Variants in RFC5 observed in about 807,000 individuals in gnomAD.
RFC5 encodes the protein replication factor C subunit 5.
In RFC5, 26 loss-of-function variants were observed where a neutral mutation model predicts 44.3. That is an observed-to-expected ratio of 0.59 (90% CI 0.43 to 0.81). The LOEUF is 0.81. Among genes scored for constraint, RFC5 ranks in the 40% least tolerant of loss-of-function variants. The probability of loss-of-function intolerance (pLI) is 0.00; values close to 1 mark genes in which losing one functional copy is unlikely to be tolerated. For synonymous variants in RFC5, 155 were observed against 155.2 expected, an observed-to-expected ratio of 1.00 and a Z score of 0.01; for missense variants, 328 against 418.6, an observed-to-expected ratio of 0.78 and a Z score of 1.89.
At chr12:118,037,001 G>A (rs138737831), downstream of RFC5, among the ~76,000 whole-genome samples, 246 of 152,232 alleles carry the variant, frequency 1.6e-3, 2 homozygotes, top group African/African-American at 5.8e-3. Flanking sequence ...GGTCAACATG[G>A]CAAAACCCCA....
downstream of RFC5, chr12:118,037,757 A>C (rs1396617981): frequency 2.0e-5 from 3 of 152,262 alleles, no homozygotes; most frequent in African/African-American, 7.3e-5. Flanking sequence ...CAAATGGTGA[A>C]CTCTCAACCT....
At chr12:118,036,010 T>TG (rs1332901442), downstream of RFC5, 2 of 181,900 alleles carry the variant, frequency 1.1e-5, no homozygotes, top group Non-Finnish European at 2.3e-5. Flanking sequence ...GAGACTAGCC[T>TG]GGCCAACATG....
intron 4 of RFC5, among the ~76,000 whole-genome samples, chr12:118,021,324 G>T (rs1219642297): frequency 6.6e-6 from 1 of 151,728 alleles, no homozygotes; most frequent in Non-Finnish European, 1.5e-5. Context: ...CGATCTTCCA[G>T]CCTCAGCCTC....
At chr12:118,022,415 A>G in intron 5 of RFC5, 56 bp downstream of exon 5, 4 of 1,213,846 alleles carry the variant, frequency 3.3e-6, no homozygotes, top group Non-Finnish European at 4.9e-6. Flanking sequence ...AAGGAGAATT[A>G]GGAACTTTGT....
chr12:118,039,407 T>G, the RFC5 span, among the ~76,000 whole-genome samples: 11 of 152,182 alleles, frequency 7.2e-5, no homozygotes, highest in African/African-American at 2.7e-4. Flanking sequence ...TACAGTTTAA[T>G]GAAAAATGCG....
downstream of RFC5, among the ~76,000 whole-genome samples, chr12:118,037,678 A>AG (rs1397564210): frequency 6.6e-6 from 1 of 151,366 alleles, no homozygotes; most frequent in Non-Finnish European, 1.5e-5. Flanking sequence ...AAAAAAAAAA[A>AG]AAAAGAAAAG....
downstream of RFC5, among the ~76,000 whole-genome samples, chr12:118,036,906 G>A (rs1403866614): frequency 6.6e-6 from 1 of 152,196 alleles, no homozygotes; most frequent in Non-Finnish European, 1.5e-5. Context: ...CAGCGGCCAG[G>A]CACGATGGCT....
the RFC5 span, chr12:118,038,231 C>A: frequency 6.6e-7 from 1 of 1,526,432 alleles, no homozygotes; most frequent in Non-Finnish European, 8.9e-7. Flanking sequence ...ACACACCAGG[C>A]CACCACTTCA....
chr12:118,036,235 G>T, downstream of RFC5: 3 of 1,357,438 alleles, frequency 2.2e-6, no homozygotes, highest in African/African-American at 1.5e-5. Flanking sequence ...TATCCAGCTT[G>T]TCCCCTCCCA....
At position 118,024,849 on chromosome 12, in the gene RFC5, A is replaced by G; in HGVS notation, c.422-2A>G. 1 of 1,603,450 alleles carries G rather than the reference A, an allele frequency of 6.2e-7. No homozygotes were observed. Among genetic ancestry groups the G allele is most frequent in the Non-Finnish European group, 8.5e-7 (1 of 1,175,530 alleles). On this transcript the variant is annotated splice_acceptor_variant, in intron 5 of 10. Coordinates refer to ENST00000454402, the MANE Select transcript of RFC5 (RefSeq NM_007370.7). LOFTEE classifies it high-confidence loss of function. ...TGAGGTGGTTTTATTTTCTCTTACT[A>G]GTAATTGAGAAATTCACAGAAAATA...
the RFC5 span, among the ~76,000 whole-genome samples, chr12:118,038,881 A>G: frequency 1.3e-5 from 2 of 152,246 alleles, no homozygotes; most frequent in Non-Finnish European, 2.9e-5. Context: ...GGGTTTCACC[A>G]TATTGGCCAG....
At chr12:118,028,408 C>T (rs143722102) in intron 9 of RFC5, among the ~76,000 whole-genome samples, 2,189 of 150,586 alleles carry the variant, frequency 0.015, 38 homozygotes, top group Middle Eastern at 0.069. Flanking sequence ...TCATTTGAAC[C>T]TGGGAGGTGG....
At chr12:118,033,819 G>A (rs1158420119), downstream of RFC5, 1 of 236,088 alleles carries the variant, frequency 4.2e-6, no homozygotes, top group African/African-American at 2.3e-5. Context: ...CCCAGCGGAG[G>A]GAGTGTGAGC....
intron 8 of RFC5, among the ~76,000 whole-genome samples, chr12:118,027,699 A>G (rs1593450812): frequency 6.7e-6 from 1 of 148,170 alleles, no homozygotes. Context: ...AAGAAAGAAA[A>G]AGAAAACGCA....
intron 5 of RFC5, among the ~76,000 whole-genome samples, chr12:118,022,595 G>A (rs536324879): frequency 6.6e-6 from 1 of 152,108 alleles, no homozygotes; most frequent in Admixed American, 6.6e-5. Flanking sequence ...CTCTTGAGTA[G>A]CTGGGATTAC....
chr12:118,030,933 A>T (rs566546569), intron 10 of RFC5, among the ~76,000 whole-genome samples: 2 of 152,328 alleles, frequency 1.3e-5, no homozygotes, highest in South Asian at 4.1e-4. Flanking sequence ...GCCCGGCCTG[A>T]TACCTAATAA....
the RFC5 span, among the ~76,000 whole-genome samples, chr12:118,038,638 A>G: frequency 6.6e-5 from 10 of 152,206 alleles, no homozygotes; most frequent in South Asian, 2.1e-4. Context: ...AACACAATCT[A>G]TAAGATCAGT....
chr12:118,026,943 G>A lies in RFC5; in HGVS notation c.718G>A (p.Gly240Arg), dbSNP rs1165164823. The A allele has an allele frequency of 3.1e-6, 5 of 1,613,944 alleles. No homozygotes were observed. Among genetic ancestry groups the A allele is most frequent in the Admixed American group, 1.7e-5 (1 of 60,018 alleles). The change falls in exon 8 of 11, where the codon GGG becomes AGG. Residue 240 changes from glycine to arginine, a missense_variant. Gly to Arg is a moderately radical substitution (Grantham distance 125, BLOSUM62 -2). Transcript: ENST00000454402. ...AGAGGAGACTGTCTACACCTGCACC[G>A]GGCACCCGCTCAAGTCAGACATTGC... ...VTEETVYTCT[G>R]HPLKSDIANI...
At chr12:118,034,357 T>A (rs1356800072), downstream of RFC5, 1 of 1,613,194 alleles carries the variant, frequency 6.2e-7, no homozygotes, top group Non-Finnish European at 8.5e-7. Context: ...CCATCTCTTG[T>A]CCTAAAATGA....
Sources: gnomAD v4.1 joint callset for allele counts (sites outside exome capture counted in the v4.1 genomes callset) on GRCh38, gnomAD v4.1.1 for gene constraint, MANE v1.5 for transcripts, NCBI Gene and HGNC (gene_info 2026-07-23, HGNC 2026-07-21) for gene names.